Variants in KAZN observed in about 807,000 individuals in gnomAD.
The protein encoded by KAZN is kazrin.
KAZN carries 40 observed loss-of-function variants against 87.4 expected under a neutral mutation model. The observed-to-expected ratio is 0.46, with a 90% CI of 0.36 to 0.60. The LOEUF is 0.60. Ranked by LOEUF, KAZN falls within the 20% of genes least tolerant of loss-of-function variation. The pLI, the probability that KAZN is intolerant of heterozygous loss-of-function variation, is 0.00. For missense variants in KAZN, 898 were observed against 1,073.9 expected, an observed-to-expected ratio of 0.84 and a Z score of 2.29; for synonymous variants, 466 against 458.3, an observed-to-expected ratio of 1.02 and a Z score of -0.22.
intron 2 of KAZN, among the ~76,000 whole-genome samples, chr1:14,344,868 C>T (rs1657994838): frequency 6.6e-6 from 1 of 151,560 alleles, no homozygotes; most frequent in Non-Finnish European, 1.5e-5. Flanking sequence ...CACGGGTGGA[C>T]ATAGCTTCAG....
At chr1:14,976,717 G>A (rs1665666339) in intron 2 of KAZN, among the ~76,000 whole-genome samples, 1 of 152,192 alleles carries the variant, frequency 6.6e-6, no homozygotes, top group Admixed American at 6.5e-5. Flanking sequence ...CTCCCCCTGG[G>A]TGCCCAGCAC....
At chr1:14,244,635 G>A (rs1649321441) in intron 2 of KAZN, among the ~76,000 whole-genome samples, 1 of 152,112 alleles carries the variant, frequency 6.6e-6, no homozygotes, top group African/African-American at 2.4e-5. Context: ...GAGTGCTGGT[G>A]TGGAGTGGTT....
chr1:14,080,647 G>A (rs188196105), intron 1 of KAZN, among the ~76,000 whole-genome samples: 68 of 152,308 alleles, frequency 4.5e-4, no homozygotes, highest in African/African-American at 1.2e-3. Context: ...TGTGCAGCAT[G>A]ATGCATAACA....
chr1:14,482,127 C>T (rs1198956699), intron 2 of KAZN, among the ~76,000 whole-genome samples: 1 of 152,114 alleles, frequency 6.6e-6, no homozygotes. Flanking sequence ...TGGCCAAAGG[C>T]CAGATAGGAA....
chr1:14,058,728 A>G (rs1453290803), intron 1 of KAZN, among the ~76,000 whole-genome samples: 1 of 152,222 alleles, frequency 6.6e-6, no homozygotes, highest in Non-Finnish European at 1.5e-5. Context: ...GGATGCCAAA[A>G]TAAAGAACAG....
chr1:14,542,883 C>T (rs1266135492), intron 2 of KAZN, among the ~76,000 whole-genome samples: 1 of 151,958 alleles, frequency 6.6e-6, no homozygotes, highest in East Asian at 1.9e-4. Flanking sequence ...ATGGGAGCTG[C>T]TCACATTGTC....
At chr1:14,533,464 C>T (rs2148484094) in intron 2 of KAZN, among the ~76,000 whole-genome samples, 1 of 152,332 alleles carries the variant, frequency 6.6e-6, no homozygotes, top group Admixed American at 6.5e-5. Flanking sequence ...AGAATCAGCA[C>T]CTTCCTGTCC....
At chr1:15,041,713 A>C (rs1301762232) in intron 3 of KAZN, among the ~76,000 whole-genome samples, 1 of 152,056 alleles carries the variant, frequency 6.6e-6, no homozygotes, top group East Asian at 1.9e-4. Context: ...CCTGTCATCC[A>C]AGGCCCCATG....
At chr1:14,588,555 C>G (rs1571994145) in intron 2 of KAZN, among the ~76,000 whole-genome samples, 1 of 152,250 alleles carries the variant, frequency 6.6e-6, no homozygotes, top group Non-Finnish European at 1.5e-5. Context: ...GCTCCATCCT[C>G]TGAGTCTGTG....
intron 2 of KAZN, among the ~76,000 whole-genome samples, chr1:14,257,051 C>G (rs1169971387): frequency 6.6e-6 from 1 of 152,160 alleles, no homozygotes; most frequent in Non-Finnish European, 1.5e-5. Flanking sequence ...CCCTTTTAAT[C>G]AGAAAGTTCA....
At position 14,039,576 on chromosome 1, in the gene KAZN, T is replaced by G. The variant is rs1557426669; in HGVS notation, c.92-140859T>G. The stretch of plus-strand genomic sequence containing the variant: ...CGGTAGAGCTTGGCAGGGCTGAGCA[T>G]GGTTAATAGATTTGATCATCATGTT... On this transcript the variant is annotated intron_variant, in intron 1 of 16. Transcript: ENST00000636203. Among the ~76,000 whole-genome samples, 4 of 152,214 alleles carry G rather than the reference T, an allele frequency of 2.6e-5. 1 individual carries two copies. Among genetic ancestry groups the G allele is most frequent in the Non-Finnish European group, 5.9e-5 (4 of 68,040 alleles).
intron 1 of KAZN, among the ~76,000 whole-genome samples, chr1:14,023,228 A>G (rs1161077617): frequency 1.3e-5 from 2 of 152,174 alleles, no homozygotes; most frequent in Admixed American, 6.5e-5. Flanking sequence ...GAGGCTGGGC[A>G]GGAGGACTGA....
At chr1:14,134,104 A>T (rs186563203) in intron 1 of KAZN, among the ~76,000 whole-genome samples, 52 of 152,344 alleles carry the variant, frequency 3.4e-4, no homozygotes, top group Middle Eastern at 3.4e-3. Flanking sequence ...TGGATACTAC[A>T]TCTCTCCACT....
chr1:14,114,385 T>C (rs1644566278), intron 1 of KAZN, among the ~76,000 whole-genome samples: 1 of 152,092 alleles, frequency 6.6e-6, no homozygotes, highest in Non-Finnish European at 1.5e-5. Flanking sequence ...GATATGACTC[T>C]GGCGATTTGC....
chr1:13,946,890 A>G (rs1279158112), intron 1 of KAZN, among the ~76,000 whole-genome samples: 1 of 152,174 alleles, frequency 6.6e-6, no homozygotes, highest in Non-Finnish European at 1.5e-5. Context: ...GGCTTACAAC[A>G]ACAGAAATGC....
chr1:13,896,433 G>C lies in KAZN; in HGVS notation c.91+2677G>C, dbSNP rs139410669. On this transcript the variant is annotated intron_variant, in intron 1 of 16. Transcript: ENST00000636203. ...GTCTCTCAAGTAGCTGGGACCACAG[G>C]CATGTACCACCATTCCAGGTTAATT... 1.7e-3 allele frequency among the ~76,000 whole-genome samples: 266 copies of C among 152,272 alleles called. 1 individual carries two copies. Among genetic ancestry groups the C allele is most frequent in the African/African-American group, 6.2e-3 (257 of 41,556 alleles).
intron 1 of KAZN, among the ~76,000 whole-genome samples, chr1:14,944,016 C>T (rs1031403760): frequency 6.6e-6 from 1 of 152,002 alleles, no homozygotes; most frequent in African/African-American, 2.4e-5. Context: ...GGAGGTTGTA[C>T]TGAGCTGAGA....
At chr1:14,471,392 A>T (rs1283621166) in intron 2 of KAZN, among the ~76,000 whole-genome samples, 1 of 152,220 alleles carries the variant, frequency 6.6e-6, no homozygotes, top group African/African-American at 2.4e-5. Flanking sequence ...ATAAAAGTCA[A>T]AGAAAATGGT....
intron 2 of KAZN, among the ~76,000 whole-genome samples, chr1:14,294,135 A>T (rs749741625): frequency 4.6e-5 from 7 of 152,184 alleles, no homozygotes; most frequent in Non-Finnish European, 1.0e-4. Flanking sequence ...CACAAGTAGT[A>T]AGTGGCACAG....
Sources: gnomAD v4.1 joint callset for allele counts (sites outside exome capture counted in the v4.1 genomes callset) on GRCh38, gnomAD v4.1.1 for gene constraint, MANE v1.5 for transcripts, NCBI Gene and HGNC (gene_info 2026-07-23, HGNC 2026-07-21) for gene names.